SLC25A20: variants seen among roughly 807,000 people sequenced by gnomAD.
SLC25A20 encodes solute carrier family 25 member 20.
Under a neutral mutation model 39.7 loss-of-function variants are expected in SLC25A20, and 29 were observed. The ratio of observed to expected loss-of-function variants is 0.73; its 90% CI spans 0.54 to 1.00. SLC25A20 has a LOEUF of 1.00. Among genes scored for constraint, SLC25A20 ranks in the 50% least tolerant of loss-of-function variants. The pLI is 0.00. For missense variants in SLC25A20, 333 were observed against 379.9 expected, an observed-to-expected ratio of 0.88 and a Z score of 1.03; for synonymous variants, 103 against 142.2, an observed-to-expected ratio of 0.72 and a Z score of 1.96.
intron 1 of SLC25A20, among the ~76,000 whole-genome samples, chr3:48,894,657 G>C (rs2083900189): frequency 6.6e-6 from 1 of 152,088 alleles, no homozygotes; most frequent in African/African-American, 2.4e-5. Flanking sequence ...ACAAGGTCTT[G>C]CTCTGTCACC....
rs2083910841 is a variant in SLC25A20 at position 48,896,558 on chromosome 3, T to C, written c.105+2132A>G. ...AGGAGTCTCACTCTGTCACCCAGGC[T>C]GGAGTGCAATGGCACAATCTCAGCT... is the stretch of plus-strand genomic sequence containing the variant. On this transcript the variant is annotated intron_variant, in intron 1 of 8. Transcript: ENST00000319017. Among the ~76,000 whole-genome samples the C allele has an allele frequency of 2.0e-5, 3 of 152,116 alleles. No individual in the cohort carries two copies. The South Asian group carries it at 6.2e-4, about 31-fold the overall frequency.
intron 1 of SLC25A20, among the ~76,000 whole-genome samples, chr3:48,894,471 C>T (rs1394395604): frequency 6.7e-6 from 1 of 149,456 alleles, no homozygotes. Context: ...CAGGGTTTCG[C>T]TGTGTTGGCC....
chr3:48,895,414 C>G (rs1286458554), intron 1 of SLC25A20, among the ~76,000 whole-genome samples: 11 of 152,222 alleles, frequency 7.2e-5, no homozygotes, highest in Non-Finnish European at 1.6e-4. Context: ...AGTGGGATTA[C>G]AGGCGTGAGC....
At position 48,890,651 on chromosome 3, in the gene SLC25A20, CTTTTTTTT is replaced by C. The variant is rs71077750; in HGVS notation, c.198+1321_198+1328del. Among the ~76,000 whole-genome samples the C allele has an allele frequency of 2.0e-4, 16 of 78,128 alleles. 2 individuals carry two copies. In the Admixed American group the frequency reaches 2.6e-3, roughly 13 times the overall value. The allele number at this position is 78,128 out of a possible 152,430, so 51.3% of individuals were successfully genotyped here. A position where few individuals can be genotyped will look rare whatever the true frequency, so the allele number is the denominator to read the frequency against. ...CACCCTCCTTACCCTGCCCCCTTGTCTTTTTTTTTTTTTTTTTTTTTGAGATAGAGTCT... is the reference window on the plus strand; with the variant it reads ...CACCCTCCTTACCCTGCCCCCTTGTCTTTTTTTTTTTTTGAGATAGAGTCT... On this transcript the variant is annotated intron_variant, in intron 2 of 8. Transcript: ENST00000319017.
chr3:48,883,912 C>T, intron 3 of SLC25A20, 85 bp downstream of exon 3: 1 of 1,538,356 alleles, frequency 6.5e-7, no homozygotes, highest in Non-Finnish European at 8.9e-7. Flanking sequence ...GTATGAGCCA[C>T]CGCGCCCTGC....
In SLC25A20 at chr3:48,883,857, C is replaced by T. The variant is rs369002934; in HGVS notation, c.326+140G>A. The T allele has an allele frequency of 6.3e-5, 62 of 978,456 alleles. No homozygotes were observed. In the East Asian group the frequency reaches 8.8e-4, roughly 14 times the overall value. The allele number at this position is 978,456 out of a possible 1,614,324, so 60.6% of individuals were successfully genotyped here. Reference sequence around the variant, plus strand: ...CAAGCTGGACTCGACCTCCTGACCTCAGGTGATCCACCCGCCTCAGTCTCC... The same window carrying T: ...CAAGCTGGACTCGACCTCCTGACCTTAGGTGATCCACCCGCCTCAGTCTCC... On this transcript the variant is annotated intron_variant, in intron 3 of 8. Transcript: ENST00000319017.
chr3:48,885,287 A>C (rs933669967), intron 2 of SLC25A20, among the ~76,000 whole-genome samples: 2 of 152,030 alleles, frequency 1.3e-5, no homozygotes, highest in African/African-American at 2.4e-5. Flanking sequence ...AAAAAAAAGA[A>C]AGTGAATTAT....
chr3:48,883,816 G>T (rs2083811574), intron 3 of SLC25A20, among the ~76,000 whole-genome samples, 181 bp downstream of exon 3: 1 of 151,902 alleles, frequency 6.6e-6, no homozygotes. Flanking sequence ...TAGAGACAGG[G>T]TTTTGCCATG....
intron 5 of SLC25A20, 28 bp downstream of exon 5, chr3:48,862,514 G>T (rs192198994): frequency 1.4e-6 from 2 of 1,461,594 alleles, no homozygotes; most frequent in South Asian, 1.1e-5. Flanking sequence ...CTCCCCAGGT[G>T]ACCTCAAGTG....
chr3:48,866,660 C>G (rs1303437936), intron 4 of SLC25A20, among the ~76,000 whole-genome samples: 1 of 152,240 alleles, frequency 6.6e-6, no homozygotes, highest in Non-Finnish European at 1.5e-5. Context: ...GTGGAAAAGA[C>G]TGGACAGAAG....
At position 48,863,109 on chromosome 3, in the gene SLC25A20, G is replaced by C. The variant is rs573199561; in HGVS notation, c.418-450C>G. On this transcript the variant is annotated intron_variant, in intron 4 of 8. Coordinates refer to ENST00000319017, the MANE Select transcript of SLC25A20 (RefSeq NM_000387.6). ...GGAGGCTGAGGCAGGAGAATCGCCTGAACTTGGGAGGCAGAGGTTGCAGTT... is the reference window on the plus strand; with the variant it reads ...GGAGGCTGAGGCAGGAGAATCGCCTCAACTTGGGAGGCAGAGGTTGCAGTT... 2.0e-5 allele frequency among the ~76,000 whole-genome samples: 3 copies of C among 152,252 alleles called. No individual in the cohort carries two copies. The East Asian group carries it at 5.8e-4, about 29-fold the overall frequency.
intron 4 of SLC25A20, 131 bp from the exon 5 acceptor site, chr3:48,862,790 G>A (rs1335619242): frequency 8.4e-6 from 6 of 713,706 alleles, no homozygotes; most frequent in African/African-American, 3.5e-5. Flanking sequence ...AAATTGATAA[G>A]TATCTGGAAT....
chr3:48,889,868 C>T (rs2083860422), intron 2 of SLC25A20, among the ~76,000 whole-genome samples: 1 of 152,146 alleles, frequency 6.6e-6, no homozygotes, highest in Admixed American at 6.6e-5. Flanking sequence ...AAATAACCGG[C>T]AGGTATAGGG....
intron 2 of SLC25A20, 150 bp downstream of exon 2, chr3:48,891,830 A>T: frequency 1.3e-6 from 1 of 751,316 alleles, no homozygotes; most frequent in South Asian, 1.4e-5. Flanking sequence ...AGATGACAAC[A>T]GGGGGGCACA....
intron 2 of SLC25A20, among the ~76,000 whole-genome samples, chr3:48,889,540 C>T (rs868610749): frequency 1.4e-4 from 21 of 152,070 alleles, no homozygotes; most frequent in Middle Eastern, 6.8e-3. Context: ...ACATGGATCC[C>T]TATCAAACTG....
At chr3:48,891,187 G>A (rs1225709336) in intron 2 of SLC25A20, among the ~76,000 whole-genome samples, 1 of 152,144 alleles carries the variant, frequency 6.6e-6, no homozygotes, top group East Asian at 1.9e-4. Flanking sequence ...CGATTCTCGT[G>A]CCTCAGCCTC....
chr3:48,888,342 C>T (rs1329438276), intron 2 of SLC25A20, among the ~76,000 whole-genome samples: 1 of 151,296 alleles, frequency 6.6e-6, no homozygotes, highest in South Asian at 2.1e-4. Context: ...GAGGCTGAGG[C>T]GGGCAGATCA....
chr3:48,857,853 C>T, intron 8 of SLC25A20, 81 bp from the exon 9 acceptor site: 1 of 1,287,848 alleles, frequency 7.8e-7, no homozygotes, highest in South Asian at 1.3e-5. Flanking sequence ...CTTTGCTGGC[C>T]CTGTCAGGAC....
intron 4 of SLC25A20, among the ~76,000 whole-genome samples, chr3:48,867,592 T>G (rs1185053664): frequency 6.6e-6 from 1 of 151,176 alleles, no homozygotes; most frequent in Non-Finnish European, 1.5e-5. Context: ...TGCAAGCATG[T>G]TTATGCCTTT....
Sources: allele counts gnomAD v4.1 joint callset (sites outside exome capture counted in the v4.1 genomes callset), GRCh38; gene constraint gnomAD v4.1.1; transcripts MANE v1.5; gene names NCBI Gene and HGNC (gene_info 2026-07-23, HGNC 2026-07-21).